TRAPPC12: variants seen among roughly 807,000 people sequenced by gnomAD.
TRAPPC12 encodes the protein trafficking protein particle complex subunit 12, also known as TPR repeat protein 15.
A neutral mutation model predicts 69.2 loss-of-function variants in TRAPPC12; 61 were observed. The ratio of observed to expected loss-of-function variants is 0.88; its 90% confidence interval spans 0.72 to 1.09. TRAPPC12 has a LOEUF of 1.09. Among genes scored for constraint, TRAPPC12 ranks in the 50% least tolerant of loss-of-function variants. TRAPPC12 has a pLI of 0.00. For synonymous variants in TRAPPC12, 469 were observed against 438.9 expected (o/e 1.07, Z -0.86); for missense variants, 1,101 against 1,016.4 (o/e 1.08, Z -1.13).
At chr2:3,428,026 A>G (rs186716751) in intron 5 of TRAPPC12, among the ~76,000 whole-genome samples, 20 of 152,218 alleles carry the variant, frequency 1.3e-4, no homozygotes, top group African/African-American at 4.8e-4. Flanking sequence ...ACCCATCTCT[A>G]AGGAGAGGAT....
chr2:3,400,914 T>C (rs1338709208), intron 2 of TRAPPC12, among the ~76,000 whole-genome samples: 1 of 152,192 alleles, frequency 6.6e-6, no homozygotes, highest in African/African-American at 2.4e-5. Flanking sequence ...ATCTCTTCTG[T>C]CCCCAGGCCA....
intron 5 of TRAPPC12, among the ~76,000 whole-genome samples, chr2:3,430,849 T>G (rs1304706884): frequency 6.6e-6 from 1 of 152,242 alleles, no homozygotes; most frequent in Non-Finnish European, 1.5e-5. Flanking sequence ...AGGGAGCTGC[T>G]GCACACTGTT....
rs534490210 is a variant in TRAPPC12, at chr2:3,389,176, G to A, written c.1047+506G>A. Among the ~76,000 whole-genome samples the A allele has an allele frequency of 1.1e-4, 16 of 152,358 alleles. No homozygotes were observed. The South Asian group carries it at 3.3e-3, about 32-fold the overall frequency. On this transcript the variant is annotated intron_variant, in intron 2 of 11. Transcript: ENST00000324266. ...ATCTCACTACTAATGAAAGACAATT[G>A]ATGCAGGGTTTTTTTCGGTGCCGCT...
At chr2:3,395,323 C>G (rs908993312) in intron 2 of TRAPPC12, among the ~76,000 whole-genome samples, 15 of 152,018 alleles carry the variant, frequency 9.9e-5, no homozygotes, top group African/African-American at 3.6e-4. Flanking sequence ...TTTTCTCCAT[C>G]TTTCAAACTT....
chr2:3,426,502 C>T (rs968532697), intron 5 of TRAPPC12, among the ~76,000 whole-genome samples: 4 of 152,216 alleles, frequency 2.6e-5, no homozygotes, highest in African/African-American at 9.7e-5. Flanking sequence ...CTTGAGGGTG[C>T]GTGTTCAGGA....
chr2:3,450,284 G>A (rs929719061), intron 6 of TRAPPC12, among the ~76,000 whole-genome samples: 12 of 152,200 alleles, frequency 7.9e-5, no homozygotes, highest in African/African-American at 2.2e-4. Context: ...TTCTTAAATC[G>A]TGCATTCTTT....
chr2:3,477,925 G>A, intron 10 of TRAPPC12, 130 bp downstream of exon 10: 1 of 565,468 alleles, frequency 1.8e-6, no homozygotes, highest in East Asian at 2.9e-5. Context: ...GTGTCTCTCA[G>A]AGCGGAGACC....
intron 6 of TRAPPC12, chr2:3,456,814 A>G (rs1009388440): frequency 7.7e-6 from 2 of 259,362 alleles, no homozygotes; most frequent in Non-Finnish European, 1.5e-5. Context: ...CCTGGGCTCA[A>G]GTGACCCACC....
rs565404134 is a variant in TRAPPC12 at position 3,479,342 on chromosome 2, C to T, written c.2089C>T (p.Leu697=). The T allele has an allele frequency of 7.4e-6, 12 of 1,614,120 alleles. No individual in the cohort carries two copies. In the East Asian group the frequency reaches 2.4e-4, roughly 33 times the overall value. The change falls in exon 12 of 12, where the codon CTG becomes TTG. Residue 697 remains leucine, a synonymous_variant. Transcript: ENST00000324266. ...CCTGCACGAGAGCGTGCTCTTCAAC[C>T]TGACCACCATGTACGAGCTGGAGTC... ...HYLHESVLFN[L]TTMYELESSR...
intron 3 of TRAPPC12, among the ~76,000 whole-genome samples, chr2:3,415,141 T>A (rs963799199): frequency 6.6e-6 from 1 of 152,166 alleles, no homozygotes; most frequent in African/African-American, 2.4e-5. Context: ...CTCCGTGGTT[T>A]GACTTAAGAT....
intron 8 of TRAPPC12, among the ~76,000 whole-genome samples, chr2:3,462,261 G>C (rs1174624722): frequency 6.6e-6 from 1 of 152,202 alleles, no homozygotes; most frequent in African/African-American, 2.4e-5. Flanking sequence ...TCTTCTTCCT[G>C]TATTGCTGGG....
intron 3 of TRAPPC12, among the ~76,000 whole-genome samples, chr2:3,419,096 G>A (rs1199970177): frequency 6.6e-6 from 1 of 152,120 alleles, no homozygotes; most frequent in African/African-American, 2.4e-5. Flanking sequence ...CCTCTTCTAG[G>A]GTCTCCGCCC....
rs73910563 is a variant in TRAPPC12, at chr2:3,478,827, A to T, written c.1878-19A>T. 0.019 allele frequency: 30,787 copies of T among 1,612,658 alleles called. 871 individuals are homozygous for T. The highest frequency in any genetic ancestry group is 0.095 in the South Asian group (8,643 of 91,018). On this transcript the variant is annotated intron_variant, in intron 10 of 11. Transcript: ENST00000324266. ...TCCTGGGCTTTCCCCGCTAACTGCC[A>T]CCGTTGCTTGTGTTACAGCGCGTTC...
chr2:3,473,490 CT>C (rs1267449074), intron 9 of TRAPPC12, among the ~76,000 whole-genome samples: 8 of 152,220 alleles, frequency 5.3e-5, no homozygotes, highest in Admixed American at 5.2e-4. Flanking sequence ...GTTTTTTTGT[CT>C]GTTTTTGAGA....
chr2:3,410,780 C>T (rs1466009563), intron 3 of TRAPPC12, among the ~76,000 whole-genome samples: 3 of 152,162 alleles, frequency 2.0e-5, no homozygotes, highest in Admixed American at 2.0e-4. Context: ...GCCTGTAATC[C>T]CAGCACTTTG....
intron 2 of TRAPPC12, among the ~76,000 whole-genome samples, chr2:3,389,350 T>G (rs1042350354): frequency 6.6e-6 from 1 of 152,146 alleles, no homozygotes; most frequent in Non-Finnish European, 1.5e-5. Context: ...CCCCAGCAGG[T>G]GGGTTGTGCG....
chr2:3,479,344 G>C lies in TRAPPC12; in HGVS notation c.2091G>C (p.Leu697=), dbSNP rs774045166. The change falls in exon 12 of 12, where the codon CTG becomes CTC. Residue 697 remains leucine, a synonymous_variant. Transcript: ENST00000324266. ...HYLHESVLFN[L]TTMYELESSR... is the part of the protein sequence containing the mutation. The stretch of plus-strand genomic sequence containing the variant: ...TGCACGAGAGCGTGCTCTTCAACCT[G>C]ACCACCATGTACGAGCTGGAGTCCT... The C allele has an allele frequency of 1.2e-6, 2 of 1,614,052 alleles. No individual in the cohort carries two copies. Among genetic ancestry groups the C allele is most frequent in the East Asian group, 4.5e-5 (2 of 44,898 alleles).
chr2:3,453,472 A>G lies in TRAPPC12; in HGVS notation c.1531-4149A>G, dbSNP rs75920032. Among the ~76,000 whole-genome samples the G allele has an allele frequency of 0.017, 2,630 of 152,246 alleles. 117 individuals carry two copies. The East Asian group carries it at 0.17, about 10-fold the overall frequency. On this transcript the variant is annotated intron_variant, in intron 6 of 11. Transcript: ENST00000324266. ...ACTGCTCTGTGCATCTTCCTGAAGCACTTGGCACTGTTGCCTCATCTCTGT... is the reference window on the plus strand; with the variant it reads ...ACTGCTCTGTGCATCTTCCTGAAGCGCTTGGCACTGTTGCCTCATCTCTGT...
chr2:3,408,788 G>A (rs372011534), intron 3 of TRAPPC12, among the ~76,000 whole-genome samples: 15 of 152,160 alleles, frequency 9.9e-5, no homozygotes, highest in African/African-American at 3.1e-4. Context: ...ATGTTACTTA[G>A]CCAAAAATTC....
Sources: allele counts gnomAD v4.1 joint callset (sites outside exome capture counted in the v4.1 genomes callset), GRCh38; gene constraint gnomAD v4.1.1; transcripts MANE v1.5; gene names NCBI Gene and HGNC (gene_info 2026-07-23, HGNC 2026-07-21).